The following ELF2 variants were observed in gnomAD, a reference collection of about 807,000 sequenced individuals.
ELF2 encodes the protein E74 like ETS transcription factor 2, also known as ETS-related transcription factor Elf-2.
ELF2 carries 11 observed loss-of-function variants against 54.8 expected under a neutral mutation model. The ratio of observed to expected loss-of-function variants is 0.20; its 90% CI spans 0.13 to 0.33. The LOEUF (loss-of-function observed/expected upper bound fraction) is 0.33. Among genes scored for constraint, ELF2 ranks in the 10% least tolerant of loss-of-function variants. The pLI is 1.00. For missense variants in ELF2, 513 were observed against 703.0 expected (o/e 0.73, Z 3.06); for synonymous variants, 203 against 245.1 (o/e 0.83, Z 1.61).
chr4:139,156,077 A>G (rs573058356), intron 1 of ELF2, among the ~76,000 whole-genome samples: 5 of 152,356 alleles, frequency 3.3e-5, no homozygotes, highest in Non-Finnish European at 7.3e-5. Context: ...GTCTCATACC[A>G]TAACTAACAA....
chr4:139,142,866 CAA>C lies in ELF2; in HGVS notation c.-251-3371_-251-3370del, dbSNP rs35505802. On this transcript the variant is annotated intron_variant, in intron 1 of 9. Coordinates refer to ENST00000686138, the MANE Select transcript of ELF2 (RefSeq NM_001331036.3). ...TGGGCGACAGAGTGAGACCTTGTCT[CAA>C]AAAAAAAAAAAAGTGATCAATCTTT... is the stretch of plus-strand genomic sequence containing the variant. Among the ~76,000 whole-genome samples the C allele has an allele frequency of 4.7e-4, 57 of 121,666 alleles. 1 individual carries two copies. Among genetic ancestry groups the C allele is most frequent in the Admixed American group, 6.7e-4 (8 of 11,954 alleles). 79.8% of individuals were successfully genotyped at this position (121,666 alleles called of 152,430 possible).
chr4:139,090,725 G>A (rs1732478048), intron 4 of ELF2, among the ~76,000 whole-genome samples: 1 of 152,262 alleles, frequency 6.6e-6, no homozygotes, highest in Non-Finnish European at 1.5e-5. Context: ...CACCCGAGTA[G>A]CTGGGATTAC....
chr4:139,062,086 A>C (rs1727941720), intron 7 of ELF2, 29 bp from the exon 8 acceptor site: 2 of 1,582,764 alleles, frequency 1.3e-6, no homozygotes, highest in African/African-American at 2.7e-5. Context: ...ACATTGATTA[A>C]AATTCATTAA....
chr4:139,138,367 A>G (rs889079463), intron 2 of ELF2, among the ~76,000 whole-genome samples: 6 of 152,108 alleles, frequency 3.9e-5, no homozygotes, highest in Non-Finnish European at 7.4e-5. Context: ...CAGTAAGCCA[A>G]GATGGCGCCA....
chr4:139,092,452 A>G (rs1194775550), intron 4 of ELF2, among the ~76,000 whole-genome samples: 1 of 150,356 alleles, frequency 6.7e-6, no homozygotes, highest in African/African-American at 2.5e-5. Context: ...ATAACATAAC[A>G]TAACATAACA....
intron 6 of ELF2, among the ~76,000 whole-genome samples, chr4:139,068,180 C>T (rs917081911): frequency 3.9e-5 from 6 of 152,110 alleles, no homozygotes; most frequent in African/African-American, 1.4e-4. Flanking sequence ...GCTACCACAC[C>T]CAGTCAATTT....
At chr4:139,064,301 C>T (rs761295052) in intron 7 of ELF2, among the ~76,000 whole-genome samples, 11 of 152,264 alleles carry the variant, frequency 7.2e-5, no homozygotes, top group African/African-American at 1.2e-4. Context: ...AGCGACAGAA[C>T]GAGACTCCGT....
chr4:139,134,577 ATGT>A (rs1273443693), intron 3 of ELF2, among the ~76,000 whole-genome samples: 17 of 146,482 alleles, frequency 1.2e-4, no homozygotes, highest in Middle Eastern at 3.5e-3. Context: ...ATTTTATTTT[ATGT>A]TATATTTATT....
intron 1 of ELF2, among the ~76,000 whole-genome samples, chr4:139,159,036 G>A (rs1021408560): frequency 1.3e-5 from 2 of 152,132 alleles, no homozygotes; most frequent in African/African-American, 4.8e-5. Flanking sequence ...AGGTGGGAAG[G>A]CCAAACCGAG....
At chr4:139,164,999 A>G (rs1019785063) in intron 1 of ELF2, among the ~76,000 whole-genome samples, 2 of 152,184 alleles carry the variant, frequency 1.3e-5, no homozygotes, top group African/African-American at 4.8e-5. Flanking sequence ...ATCAGGTCCA[A>G]CTTCCAGATT....
chr4:139,152,769 C>G (rs1005052434), intron 1 of ELF2, among the ~76,000 whole-genome samples: 10 of 151,722 alleles, frequency 6.6e-5, no homozygotes, highest in Admixed American at 6.6e-4. Flanking sequence ...TTAAGTACTT[C>G]TAATTCACAT....
intron 6 of ELF2, among the ~76,000 whole-genome samples, chr4:139,069,517 A>C (rs1729207488): frequency 6.6e-6 from 1 of 152,226 alleles, no homozygotes; most frequent in Admixed American, 6.5e-5. Context: ...TTAGTAGAAA[A>C]GTTAGTGCAA....
At position 139,084,231 on chromosome 4, in the gene ELF2, C is replaced by G. The variant is rs1425068380; in HGVS notation, c.239-10664G>C. On this transcript the variant is annotated intron_variant, in intron 4 of 9. Coordinates refer to ENST00000686138, the MANE Select transcript of ELF2 (RefSeq NM_001331036.3). ...GGAGCTGCTGCTTCACATTGACTTA[C>G]ACCGTGAGCAGCGGCGGCAGGGGAG... The G allele has an allele frequency of 7.4e-6, 12 of 1,611,486 alleles. No individual in the cohort carries two copies. The South Asian group carries it at 1.3e-4, about 18-fold the overall frequency.
At chr4:139,106,046 T>G (rs934047866) in intron 4 of ELF2, among the ~76,000 whole-genome samples, 1 of 152,196 alleles carries the variant, frequency 6.6e-6, no homozygotes, top group African/African-American at 2.4e-5. Flanking sequence ...ATAATTCTTA[T>G]GTATGCTTAA....
intron 3 of ELF2, among the ~76,000 whole-genome samples, chr4:139,126,367 A>C (rs1216596699): frequency 7.3e-6 from 1 of 137,188 alleles, no homozygotes; most frequent in Non-Finnish European, 1.6e-5. Flanking sequence ...AAAAAACAAG[A>C]AATAGAAAGG....
chr4:139,062,091 C>A (rs376569313), intron 7 of ELF2, 34 bp from the exon 8 acceptor site: 6 of 1,570,452 alleles, frequency 3.8e-6, no homozygotes, highest in Non-Finnish European at 3.5e-6. Flanking sequence ...GATTAAAATT[C>A]ATTAACATAA....
intron 1 of ELF2, among the ~76,000 whole-genome samples, chr4:139,172,916 C>A (rs978554593): frequency 9.3e-6 from 1 of 107,826 alleles, no homozygotes. Context: ...CTATCATATA[C>A]CTATACAAAG....
rs3805211 is a variant in ELF2, at chr4:139,076,024, T to C, written c.239-2457A>G. ...CACTAACGATATGAATCTTTTAAAA[T>C]TGTTTCCAGGAAACTTTTAATTGGG... On this transcript the variant is annotated intron_variant, in intron 4 of 9. Coordinates refer to ENST00000686138, the MANE Select transcript of ELF2 (RefSeq NM_001331036.3). 4.6e-5 allele frequency among the ~76,000 whole-genome samples: 7 copies of C among 152,310 alleles called. No individual in the cohort carries two copies. The East Asian group carries it at 1.2e-3, about 25-fold the overall frequency.
intron 1 of ELF2, among the ~76,000 whole-genome samples, chr4:139,166,785 G>A (rs771865221): frequency 4.6e-5 from 7 of 152,108 alleles, no homozygotes; most frequent in Admixed American, 1.3e-4. Context: ...GGAGAATGGC[G>A]TGAACCCAGG....
Sources: allele counts gnomAD v4.1 joint callset (sites outside exome capture counted in the v4.1 genomes callset), GRCh38; gene constraint gnomAD v4.1.1; transcripts MANE v1.5; gene names NCBI Gene and HGNC (gene_info 2026-07-23, HGNC 2026-07-21).